CDKAL1: variants seen among roughly 807,000 people sequenced by gnomAD.
CDKAL1 encodes the protein CDKAL1 threonylcarbamoyladenosine tRNA methylthiotransferase, also known as threonylcarbamoyladenosine tRNA methylthiotransferase.
Under a neutral mutation model 68.2 loss-of-function variants are expected in CDKAL1, and 32 were observed. The ratio of observed to expected loss-of-function variants is 0.47; its 90% CI spans 0.35 to 0.63. CDKAL1 has a LOEUF of 0.63. Ranked by LOEUF, CDKAL1 falls within the 30% of genes least tolerant of loss-of-function variation. The pLI, the probability that CDKAL1 is intolerant of heterozygous loss-of-function variation, is 0.00. For synonymous variants in CDKAL1, 234 were observed against 244.3 expected (o/e 0.96, Z 0.39); for missense variants, 606 against 696.7 (o/e 0.87, Z 1.47).
intron 5 of CDKAL1, among the ~76,000 whole-genome samples, chr6:20,714,728 A>G (rs1355737641): frequency 6.6e-6 from 1 of 152,032 alleles, no homozygotes; most frequent in East Asian, 1.9e-4. Context: ...AATGTTAACT[A>G]ATGTTTTCCA....
At chr6:20,568,088 A>T (rs1268423050) in intron 4 of CDKAL1, among the ~76,000 whole-genome samples, 2 of 152,082 alleles carry the variant, frequency 1.3e-5, no homozygotes, top group Non-Finnish European at 2.9e-5. Flanking sequence ...CGTGGTGGCC[A>T]GGATGGTCTC....
intron 10 of CDKAL1, among the ~76,000 whole-genome samples, chr6:20,995,124 A>G (rs1050915184): frequency 6.6e-6 from 1 of 152,238 alleles, no homozygotes; most frequent in African/African-American, 2.4e-5. Context: ...CAATTCCGTC[A>G]TATCTTCAGG....
At chr6:20,935,953 A>G (rs968607644) in intron 9 of CDKAL1, among the ~76,000 whole-genome samples, 2 of 152,094 alleles carry the variant, frequency 1.3e-5, no homozygotes, top group South Asian at 2.1e-4. Context: ...TTCCTCGGAG[A>G]CAAATGTTAT....
rs4620109 is a variant in CDKAL1 at position 20,694,060 on chromosome 6, G to A, written c.371+44683G>A. On this transcript the variant is annotated intron_variant, in intron 5 of 15. Transcript: ENST00000274695. ...GCTAACTTTGTGTGTGTGTGTGTGT[G>A]TATGTGTGTGTGTGTGTGTGTGTGT... Among the ~76,000 whole-genome samples, 365 of 70,792 alleles carry A rather than the reference G, an allele frequency of 5.2e-3. 2 individuals carry two copies. The highest frequency in any genetic ancestry group is 0.019 in the African/African-American group (339 of 18,180). 46.4% of individuals were successfully genotyped at this position (70,792 alleles called of 152,430 possible).
intron 4 of CDKAL1, among the ~76,000 whole-genome samples, chr6:20,596,417 T>C (rs986646087): frequency 3.3e-5 from 5 of 152,218 alleles, no homozygotes; most frequent in Non-Finnish European, 4.4e-5. Context: ...CGAGCTGTGG[T>C]GGGCTCTGCC....
chr6:20,544,374 G>A (rs1763505339), intron 2 of CDKAL1, among the ~76,000 whole-genome samples: 1 of 151,532 alleles, frequency 6.6e-6, no homozygotes, highest in Admixed American at 6.6e-5. Flanking sequence ...GAGACGGGCG[G>A]ATCGCGAGGT....
intron 9 of CDKAL1, among the ~76,000 whole-genome samples, chr6:20,891,405 T>TC (rs1242205079): frequency 6.6e-6 from 1 of 152,048 alleles, no homozygotes; most frequent in African/African-American, 2.4e-5. Flanking sequence ...TTAATAACAC[T>TC]CCCCCTGGAG....
At chr6:20,543,463 C>T (rs527635509) in intron 2 of CDKAL1, among the ~76,000 whole-genome samples, 2 of 152,104 alleles carry the variant, frequency 1.3e-5, no homozygotes, top group African/African-American at 4.8e-5. Context: ...TTTCTTTTTA[C>T]GGTTGTGTTT....
intron 7 of CDKAL1, among the ~76,000 whole-genome samples, chr6:20,773,429 T>C (rs1775028764): frequency 6.6e-6 from 1 of 152,258 alleles, no homozygotes; most frequent in South Asian, 2.1e-4. Context: ...GGACATTTTG[T>C]AGAAAAACAG....
intron 10 of CDKAL1, among the ~76,000 whole-genome samples, chr6:20,985,973 A>T (rs76391656): frequency 0.02 from 3,045 of 152,146 alleles, 110 homozygotes; most frequent in African/African-American, 0.069. Context: ...CCATTCTCTC[A>T]TCATAGCTCC....
intron 13 of CDKAL1, among the ~76,000 whole-genome samples, chr6:21,177,517 C>G (rs1777631266): frequency 2.0e-5 from 3 of 152,068 alleles, no homozygotes; most frequent in Admixed American, 2.0e-4. Flanking sequence ...TCCCACTGTC[C>G]TTTCATTAAC....
chr6:21,093,572 G>C (rs1313090772), intron 12 of CDKAL1, among the ~76,000 whole-genome samples: 3 of 152,050 alleles, frequency 2.0e-5, no homozygotes, highest in Non-Finnish European at 4.4e-5. Flanking sequence ...TTCTTCAAGA[G>C]GATGAAAGGA....
intron 9 of CDKAL1, among the ~76,000 whole-genome samples, chr6:20,868,611 A>C (rs1407856992): frequency 6.6e-6 from 1 of 152,240 alleles, no homozygotes; most frequent in Non-Finnish European, 1.5e-5. Flanking sequence ...ATGTTGGCTT[A>C]TTTTTAGCAT....
intron 11 of CDKAL1, among the ~76,000 whole-genome samples, chr6:21,011,308 C>T (rs759357931): frequency 2.0e-5 from 3 of 151,784 alleles, no homozygotes; most frequent in Admixed American, 6.6e-5. Flanking sequence ...GGTGTGAACC[C>T]GGGAGGCAGA....
chr6:20,847,747 AAAAG>A (rs1327518041), intron 9 of CDKAL1, among the ~76,000 whole-genome samples: 22 of 152,232 alleles, frequency 1.4e-4, no homozygotes, highest in African/African-American at 5.1e-4. Flanking sequence ...ACTTGAGAAA[AAAAG>A]AAGACAGAAC....
chr6:20,625,760 G>C (rs1459019835), intron 4 of CDKAL1, among the ~76,000 whole-genome samples: 1 of 152,042 alleles, frequency 6.6e-6, no homozygotes, highest in African/African-American at 2.4e-5. Flanking sequence ...AACAGATTTT[G>C]CTGTAGTAAA....
At chr6:21,174,031 A>T (rs1165346252) in intron 13 of CDKAL1, among the ~76,000 whole-genome samples, 2 of 152,114 alleles carry the variant, frequency 1.3e-5, no homozygotes, top group African/African-American at 4.8e-5. Flanking sequence ...GATCACACAC[A>T]CCTCTGCACC....
At chr6:20,789,208 G>A (rs759203638) in intron 8 of CDKAL1, among the ~76,000 whole-genome samples, 1 of 152,154 alleles carries the variant, frequency 6.6e-6, no homozygotes, top group Non-Finnish European at 1.5e-5. Flanking sequence ...AAAATTTGCA[G>A]CCTTTTTTAT....
chr6:21,206,875 C>T (rs776181378), intron 15 of CDKAL1, among the ~76,000 whole-genome samples: 8 of 151,688 alleles, frequency 5.3e-5, no homozygotes, highest in Admixed American at 2.0e-4. Context: ...GTAAGTATCA[C>T]TTTAAAAAGC....
Sources: gnomAD v4.1 joint callset for allele counts (sites outside exome capture counted in the v4.1 genomes callset) on GRCh38, gnomAD v4.1.1 for gene constraint, MANE v1.5 for transcripts, NCBI Gene and HGNC (gene_info 2026-07-23, HGNC 2026-07-21) for gene names.